TRAPPC12: variants seen among roughly 807,000 people sequenced by gnomAD.
TRAPPC12 encodes the protein TPR repeat protein 15.
In TRAPPC12, 61 loss-of-function variants were observed where a neutral mutation model predicts 69.2. The ratio of observed to expected loss-of-function variants is 0.88; its 90% confidence interval spans 0.72 to 1.09. The LOEUF is 1.09. Among genes scored for constraint, TRAPPC12 ranks in the 50% least tolerant of loss-of-function variants. The pLI, the probability that TRAPPC12 is intolerant of heterozygous loss-of-function variation, is 0.00. For synonymous variants in TRAPPC12, 469 were observed against 438.9 expected, an observed-to-expected ratio of 1.07 and a Z score of -0.86; for missense variants, 1,101 against 1,016.4, an observed-to-expected ratio of 1.08 and a Z score of -1.13.
intron 5 of TRAPPC12, among the ~76,000 whole-genome samples, chr2:3,442,468 G>T (rs1221700390): frequency 7.2e-5 from 11 of 152,178 alleles, no homozygotes; most frequent in African/African-American, 2.7e-4. Context: ...TCATTATGCG[G>T]ATGGTCTAGA....
At chr2:3,390,085 T>C (rs1660743937) in intron 2 of TRAPPC12, among the ~76,000 whole-genome samples, 1 of 152,150 alleles carries the variant, frequency 6.6e-6, no homozygotes, top group Non-Finnish European at 1.5e-5. Flanking sequence ...GGACGAAAGG[T>C]TCTCAGTCCC....
chr2:3,427,191 A>G (rs1166832844), intron 5 of TRAPPC12, among the ~76,000 whole-genome samples: 1 of 152,202 alleles, frequency 6.6e-6, no homozygotes, highest in Non-Finnish European at 1.5e-5. Flanking sequence ...CCATCCCAGC[A>G]TAAATAAAAC....
chr2:3,422,709 A>AC (rs1662878704), intron 4 of TRAPPC12, among the ~76,000 whole-genome samples: 1 of 152,162 alleles, frequency 6.6e-6, no homozygotes, highest in Non-Finnish European at 1.5e-5. Flanking sequence ...AAGAGCCGAC[A>AC]AGAAGAGCCG....
At chr2:3,479,192 C>T (rs1223137801) in intron 11 of TRAPPC12, 27 bp from the exon 12 acceptor site, 10 of 1,604,192 alleles carry the variant, frequency 6.2e-6, no homozygotes, top group Non-Finnish European at 8.5e-6. Flanking sequence ...TTGTGTGGGC[C>T]AACCCTGGGC....
chr2:3,449,994 A>C (rs180748445), intron 6 of TRAPPC12, among the ~76,000 whole-genome samples: 3,636 of 150,516 alleles, frequency 0.024, 136 homozygotes, highest in African/African-American at 0.087. Flanking sequence ...GTGCAAGCAG[A>C]AGAAGAAGAG....
chr2:3,386,677 A>C (rs1376755925), intron 1 of TRAPPC12, among the ~76,000 whole-genome samples: 1 of 147,146 alleles, frequency 6.8e-6, no homozygotes, highest in Admixed American at 6.7e-5. Context: ...AGATTTCCAG[A>C]GTCAGGCAGA....
intron 3 of TRAPPC12, among the ~76,000 whole-genome samples, chr2:3,419,736 A>G (rs1662670639): frequency 6.6e-6 from 1 of 151,938 alleles, no homozygotes; most frequent in Admixed American, 6.6e-5. Context: ...GGTGCCGTGG[A>G]GGCCAGTACT....
intron 5 of TRAPPC12, among the ~76,000 whole-genome samples, chr2:3,436,953 C>A (rs1448943038): frequency 1.7e-5 from 2 of 118,580 alleles, no homozygotes; most frequent in South Asian, 3.3e-4. Context: ...ATCCCCCAAT[C>A]ACCCCTGGAT....
intron 6 of TRAPPC12, among the ~76,000 whole-genome samples, chr2:3,446,553 C>G (rs1664518309): frequency 6.6e-6 from 1 of 152,234 alleles, no homozygotes; most frequent in African/African-American, 2.4e-5. Flanking sequence ...CGCCAACTTC[C>G]TCGCTCACTT....
intron 5 of TRAPPC12, among the ~76,000 whole-genome samples, chr2:3,440,247 A>T (rs1664124454): frequency 6.6e-6 from 1 of 152,130 alleles, no homozygotes; most frequent in African/African-American, 2.4e-5. Flanking sequence ...TGAGATTTTG[A>T]TTGGGGCTGC....
Position 3,381,872 on chromosome 2 carries a change from T to G in TRAPPC12, c.-5+1996T>G, listed in dbSNP as rs72765371. Among the ~76,000 whole-genome samples, 592 of 152,352 alleles carry G rather than the reference T, an allele frequency of 3.9e-3. 3 individuals carry two copies. Among genetic ancestry groups the G allele is most frequent in the Non-Finnish European group, 6.2e-3 (421 of 68,034 alleles). On this transcript the variant is annotated intron_variant, in intron 1 of 11. Coordinates refer to ENST00000324266, the MANE Select transcript of TRAPPC12 (RefSeq NM_016030.6). ...TTCTTTGTAGTTTGACCAAATATGT[T>G]TGTGTTCCTAACACAGAAAAAGTGT...
At chr2:3,380,198 C>G (rs915468632) in intron 1 of TRAPPC12, among the ~76,000 whole-genome samples, 1 of 152,136 alleles carries the variant, frequency 6.6e-6, no homozygotes. Flanking sequence ...CGCGCCCAGG[C>G]GTCCCCGAGA....
At chr2:3,460,719 T>G (rs1665441936) in intron 8 of TRAPPC12, 2 of 191,492 alleles carry the variant, frequency 1.0e-5, no homozygotes, top group Admixed American at 5.5e-5. Context: ...TGATTGATGC[T>G]TACAACACCT....
In TRAPPC12 at chr2:3,387,764, G is replaced by T. The variant is rs756841910; in HGVS notation, c.141G>T (p.Glu47Asp). ...DLGGDEFGSEENETASEGSSP... is the reference protein window; with the variant it reads ...DLGGDEFGSEDNETASEGSSP... Reference sequence around the variant, plus strand: ...GCGGAGATGAGTTTGGATCCGAAGAGAACGAGACCGCATCGGAAGGCTCGA... The same window carrying T: ...GCGGAGATGAGTTTGGATCCGAAGATAACGAGACCGCATCGGAAGGCTCGA... The change falls in exon 2 of 12, where the codon GAG (glutamate) becomes GAT (aspartate). Residue 47 changes from glutamate to aspartate, a missense_variant. Coordinates refer to ENST00000324266, the MANE Select transcript of TRAPPC12 (RefSeq NM_016030.6). The T allele has an allele frequency of 3.1e-6, 5 of 1,612,672 alleles. No homozygotes were observed. Among genetic ancestry groups the T allele is most frequent in the South Asian group, 1.1e-5 (1 of 90,808 alleles).
At chr2:3,452,862 C>T (rs529512155) in intron 6 of TRAPPC12, among the ~76,000 whole-genome samples, 1 of 152,362 alleles carries the variant, frequency 6.6e-6, no homozygotes, top group South Asian at 2.1e-4. Context: ...TTTCTGGTTG[C>T]TTCTCCTCTT....
rs755044006 is a variant in TRAPPC12 at position 3,388,274 on chromosome 2, C to G, written c.651C>G (p.His217Gln). Reference sequence around the variant, plus strand: ...TCTTCGGAGACACGGCCGCCAGCCACTCCTTGGCCTCGGACTTCTTCGACT... The same window carrying G: ...TCTTCGGAGACACGGCCGCCAGCCAGTCCTTGGCCTCGGACTTCTTCGACT... The part of the protein sequence containing the change: ...STFFGDTAAS[H>Q]SLASDFFDSF... The change falls in exon 2 of 12, where the codon CAC (histidine) becomes CAG (glutamine). Residue 217 changes from histidine to glutamine, a missense_variant. By Grantham distance (24) the His-to-Gln change is conservative. Transcript: ENST00000324266. The G allele has an allele frequency of 6.8e-6, 11 of 1,607,916 alleles. No homozygotes were observed. In the South Asian group the frequency reaches 1.2e-4, roughly 18 times the overall value.
At chr2:3,425,472 G>C (rs540701326) in intron 5 of TRAPPC12, among the ~76,000 whole-genome samples, 1 of 152,270 alleles carries the variant, frequency 6.6e-6, no homozygotes, top group East Asian at 1.9e-4. Context: ...CTGTGCCCCA[G>C]TGTCCTTATT....
At chr2:3,454,767 C>G (rs1017635292) in intron 6 of TRAPPC12, 1 of 152,444 alleles carries the variant, frequency 6.6e-6, no homozygotes, top group Non-Finnish European at 1.5e-5. Context: ...CAGGGAACGT[C>G]AGCCCCAGCG....
At chr2:3,473,764 C>T (rs1666169258) in intron 9 of TRAPPC12, among the ~76,000 whole-genome samples, 3 of 152,208 alleles carry the variant, frequency 2.0e-5, no homozygotes, top group African/African-American at 7.2e-5. Flanking sequence ...AGCCACTGGG[C>T]CCAGCTGAAA....
Sources: gnomAD v4.1 joint callset for allele counts (sites outside exome capture counted in the v4.1 genomes callset) on GRCh38, gnomAD v4.1.1 for gene constraint, MANE v1.5 for transcripts, NCBI Gene and HGNC (gene_info 2026-07-23, HGNC 2026-07-21) for gene names.